Variants in MATN2 observed in about 807,000 individuals in gnomAD.
MATN2 encodes matrilin 2, also known as matrilin-2.
A neutral mutation model predicts 103.2 loss-of-function variants in MATN2; 69 were observed. That is an observed-to-expected ratio of 0.67 (90% confidence interval 0.55 to 0.82). The LOEUF is 0.82. MATN2 is among the 40% of genes least tolerant of loss of function. The probability of loss-of-function intolerance (pLI) is 0.00; values close to 1 mark genes in which losing one functional copy is unlikely to be tolerated. For synonymous variants in MATN2, 429 were observed against 450.2 expected, an observed-to-expected ratio of 0.95 and a Z score of 0.60; for missense variants, 1,023 against 1,211.5, an observed-to-expected ratio of 0.84 and a Z score of 2.31.
At chr8:98,035,457 CA>C (rs1814205651) in intron 18 of MATN2, among the ~76,000 whole-genome samples, 199 bp from the exon 19 acceptor site, 1 of 149,386 alleles carries the variant, frequency 6.7e-6, no homozygotes. Context: ...AAAAAAAACC[CA>C]AAATATTTGT....
intron 18 of MATN2, chr8:98,034,101 C>T: frequency 9.0e-6 from 4 of 446,018 alleles, no homozygotes; most frequent in South Asian, 1.6e-5. Context: ...AGGAACACCA[C>T]AGCCACATAT....
chr8:97,917,267 T>C (rs1031207658), intron 2 of MATN2, among the ~76,000 whole-genome samples: 7 of 152,240 alleles, frequency 4.6e-5, no homozygotes, highest in African/African-American at 1.7e-4. Context: ...AGCATCTTTC[T>C]CTGCCAGCAC....
At position 97,941,784 on chromosome 8, in the gene MATN2, T is replaced by C. The variant is rs2513845; in HGVS notation, c.720T>C (p.His240=). 0.99 allele frequency: 1,585,044 copies of C among 1,596,598 alleles called. 787,012 individuals carry two copies. The highest frequency in any genetic ancestry group is 1 in the Non-Finnish European group (1,169,615 of 1,171,546). Residue 240 remains histidine, a synonymous_variant, in exon 4 of 19, where the codon CAT becomes CAC. Coordinates refer to ENST00000254898, the MANE Select transcript of MATN2 (RefSeq NM_002380.5). Reference sequence around the variant, plus strand: ...CTGTGTCTTCCCTTTCAGCGGCCCATATGTGCAGCACCCTGGAGCATAACT... The same window carrying C: ...CTGTGTCTTCCCTTTCAGCGGCCCACATGTGCAGCACCCTGGAGCATAACT... The part of the protein sequence containing the change: ...SVFQKKLCTA[H]MCSTLEHNCA...
rs1354437173 is a variant in MATN2, at chr8:97,890,828, A to G, written c.142+2586A>G. Among the ~76,000 whole-genome samples the G allele has an allele frequency of 2.0e-5, 3 of 152,338 alleles. No homozygotes were observed. The East Asian group carries it at 5.8e-4, about 29-fold the overall frequency. On this transcript the variant is annotated intron_variant, in intron 2 of 18. Transcript: ENST00000254898. ...TTATTTGCTTGCAAGTATGTTCCTG[A>G]AAGTTTAACAGAGTAGAAACAGCAG...
intron 13 of MATN2, among the ~76,000 whole-genome samples, chr8:98,023,359 C>T (rs1457629042): frequency 1.3e-5 from 2 of 152,052 alleles, no homozygotes; most frequent in Admixed American, 1.3e-4. Context: ...ACAAGGAATA[C>T]ATTAGATCGT....
chr8:98,032,953 A>T, intron 16 of MATN2, 89 bp from the exon 17 acceptor site: 1 of 1,281,220 alleles, frequency 7.8e-7, no homozygotes, highest in Non-Finnish European at 1.1e-6. Flanking sequence ...ACCAAGTGCT[A>T]GGAATACCAA....
chr8:97,937,583 CTT>C (rs376203275), intron 3 of MATN2, among the ~76,000 whole-genome samples: 82 of 89,800 alleles, frequency 9.1e-4, no homozygotes, highest in African/African-American at 2.9e-3. Context: ...TCCCCACTAA[CTT>C]TTTTTTTTTT....
At chr8:98,014,859 G>C (rs1012087098) in intron 10 of MATN2, among the ~76,000 whole-genome samples, 2 of 152,164 alleles carry the variant, frequency 1.3e-5, no homozygotes, top group African/African-American at 4.8e-5. Context: ...GATTATAAAG[G>C]TCATTATGTG....
chr8:97,873,258 A>C (rs1817959249), intron 1 of MATN2, among the ~76,000 whole-genome samples: 1 of 152,190 alleles, frequency 6.6e-6, no homozygotes, highest in African/African-American at 2.4e-5. Context: ...ATTAGAGAAA[A>C]TGATCTAAAT....
At chr8:97,972,223 A>T (rs1811676161) in intron 5 of MATN2, among the ~76,000 whole-genome samples, 1 of 151,864 alleles carries the variant, frequency 6.6e-6, no homozygotes, top group African/African-American at 2.4e-5. Flanking sequence ...ATGTAGTCCC[A>T]GCTACTTGGG....
rs781471020 is a variant in MATN2 at position 97,931,212 on chromosome 8, C to T, written c.402C>T (p.Thr134=). 10 of 1,613,358 alleles carry T rather than the reference C, an allele frequency of 6.2e-6. No homozygotes were observed. The highest frequency in any genetic ancestry group is 2.7e-5 in the African/African-American group (2 of 74,904). Residue 134 remains threonine (T), a synonymous_variant, in exon 3 of 19, where the codon ACC becomes ACT. Transcript: ENST00000254898. This position sits in a 1 kb window ranked among gnomAD's most constrained non-coding sequence, Gnocchi z 4.1. ...VKRMRHLSTG[T]MTGLAIQYAL... Reference sequence around the variant, plus strand: ...GGATGCGGCATCTGTCCACGGGCACCATGACTGGGCTGGCCATCCAGTATG... The same window carrying T: ...GGATGCGGCATCTGTCCACGGGCACTATGACTGGGCTGGCCATCCAGTATG...
intron 13 of MATN2, among the ~76,000 whole-genome samples, chr8:98,021,961 C>T (rs983754986): frequency 1.3e-5 from 2 of 152,038 alleles, no homozygotes; most frequent in Non-Finnish European, 2.9e-5. Context: ...TTGGTATAAC[C>T]TTTCAGAGGG....
chr8:98,032,386 G>A, intron 16 of MATN2, 69 bp downstream of exon 16: 1 of 1,211,332 alleles, frequency 8.3e-7, no homozygotes, highest in South Asian at 1.3e-5. Flanking sequence ...CCAGATAAAA[G>A]CTGTAAAGAA....
chr8:97,896,167 T>G (rs1169037685), intron 2 of MATN2, among the ~76,000 whole-genome samples: 5 of 152,234 alleles, frequency 3.3e-5, no homozygotes, highest in Non-Finnish European at 7.3e-5. Flanking sequence ...GAATGAGACA[T>G]GCAGAAGGCT....
chr8:97,903,679 A>T (rs1819065711), intron 2 of MATN2, among the ~76,000 whole-genome samples: 1 of 152,180 alleles, frequency 6.6e-6, no homozygotes, highest in African/African-American at 2.4e-5. Flanking sequence ...CTGGAAAAAC[A>T]TCCAGCCTGT....
chr8:97,893,580 ATTTATTTATTTATTTAT>A (rs1818706635), intron 2 of MATN2, among the ~76,000 whole-genome samples: 1 of 146,146 alleles, frequency 6.8e-6, no homozygotes, highest in South Asian at 2.2e-4. Flanking sequence ...TTATTTATTT[ATTTATTTATTTATTTAT>A]GATAGAGTCT....
At chr8:97,947,650 T>C (rs759604060) in intron 4 of MATN2, among the ~76,000 whole-genome samples, 2 of 152,202 alleles carry the variant, frequency 1.3e-5, no homozygotes, top group Non-Finnish European at 2.9e-5. Context: ...CTATCATGGA[T>C]TGGAAGACTT....
In MATN2 at chr8:97,943,403, GTCTCCTTCTCCT is replaced by G. The variant is rs57093769; in HGVS notation, c.835+1529_835+1540del. Among the ~76,000 whole-genome samples the G allele has an allele frequency of 8.5e-4, 125 of 146,304 alleles. 2 individuals carry two copies. The highest frequency in any genetic ancestry group is 1.1e-3 in the South Asian group (5 of 4,552). On this transcript the variant is annotated intron_variant, in intron 4 of 18. Transcript: ENST00000254898. Reference sequence around the variant, plus strand: ...CTGCCCTTTCTCCTTCTCCTTCTCTGTCTCCTTCTCCTTCTCCTTCTCCTTCTCCTTCTCCTC... The same window carrying G: ...CTGCCCTTTCTCCTTCTCCTTCTCTGTCTCCTTCTCCTTCTCCTTCTCCTC...
chr8:97,930,053 G>C (rs1240717396), intron 2 of MATN2, among the ~76,000 whole-genome samples: 1 of 152,122 alleles, frequency 6.6e-6, no homozygotes, highest in East Asian at 1.9e-4. Context: ...CATTCATTCC[G>C]TCTTGGGCTT....
Sources: gnomAD v4.1 joint callset for allele counts (sites outside exome capture counted in the v4.1 genomes callset) on GRCh38, gnomAD v4.1.1 for gene constraint, Gnocchi (gnomAD v3.1) non-coding constraint, MANE v1.5 for transcripts, NCBI Gene and HGNC (gene_info 2026-07-23, HGNC 2026-07-21) for gene names.